The following PPIG variants were observed in gnomAD, a reference collection of about 807,000 sequenced individuals.
PPIG encodes peptidyl-prolyl cis-trans isomerase G.
Under a neutral mutation model 87.9 loss-of-function variants are expected in PPIG, and 26 were observed. The ratio of observed to expected loss-of-function variants is 0.30; its 90% CI spans 0.22 to 0.41. The LOEUF is 0.41. Ranked by LOEUF, PPIG falls within the 10% of genes least tolerant of loss-of-function variation. The pLI is 1.00. For missense variants in PPIG, 722 were observed against 879.4 expected (o/e 0.82, Z 2.26); for synonymous variants, 308 against 276.5 (o/e 1.11, Z -1.13).
At chr2:169,596,734 C>A (rs1444978943) in intron 1 of PPIG, among the ~76,000 whole-genome samples, 1 of 152,074 alleles carries the variant, frequency 6.6e-6, no homozygotes, top group Non-Finnish European at 1.5e-5. Flanking sequence ...GAGTCTTACT[C>A]TGTTGCCTGG....
rs1203237886 is a variant in PPIG, at chr2:169,641,071, G to A, written c.*3548G>A. On this transcript the variant is annotated 3_prime_UTR_variant, in exon 14 of 14. Transcript: ENST00000260970. ...TGTATATTTTCTTCCCCTTTTGTGT[G>A]TATATAGTATTTTGAAAGATAAATG... The A allele has an allele frequency of 3.3e-5, 5 of 152,080 alleles. No individual in the cohort carries two copies. The highest frequency in any genetic ancestry group is 7.2e-5 in the African/African-American group (3 of 41,412). 9.4% of individuals were successfully genotyped at this position (152,080 alleles called of 1,614,324 possible).
At chr2:169,596,705 C>A (rs956281485) in intron 1 of PPIG, among the ~76,000 whole-genome samples, 3 of 151,944 alleles carry the variant, frequency 2.0e-5, no homozygotes, top group African/African-American at 7.3e-5. Flanking sequence ...TCTCCTGGTC[C>A]ATTTTTTTTT....
At chr2:169,596,857 A>G (rs1412006827) in intron 1 of PPIG, among the ~76,000 whole-genome samples, 3 of 152,116 alleles carry the variant, frequency 2.0e-5, no homozygotes, top group Non-Finnish European at 4.4e-5. Context: ...ATGCGCCATT[A>G]CGCTCAGCTC....
chr2:169,611,148 C>G (rs1299876524), intron 7 of PPIG, among the ~76,000 whole-genome samples: 1 of 152,114 alleles, frequency 6.6e-6, no homozygotes, highest in Admixed American at 6.5e-5. Flanking sequence ...CAGGGTCGTG[C>G]CACTACACTC....
At chr2:169,585,844 G>A (rs1402073378) in intron 1 of PPIG, among the ~76,000 whole-genome samples, 2 of 152,136 alleles carry the variant, frequency 1.3e-5, no homozygotes, top group African/African-American at 4.8e-5. Flanking sequence ...AAAAAAGAGT[G>A]AGTGTGTGTG....
chr2:169,618,466 G>A (rs1233554257), intron 9 of PPIG, among the ~76,000 whole-genome samples: 1 of 152,146 alleles, frequency 6.6e-6, no homozygotes, highest in Non-Finnish European at 1.5e-5. Context: ...GAATTTAGCT[G>A]TGAATCCATC....
chr2:169,606,976 T>C (rs1262749390), intron 5 of PPIG, 128 bp from the exon 6 acceptor site: 4 of 672,412 alleles, frequency 5.9e-6, no homozygotes, highest in Non-Finnish European at 1.0e-5. Context: ...TCTTTTATGA[T>C]TTGCTGCAAT....
intron 1 of PPIG, among the ~76,000 whole-genome samples, chr2:169,592,023 C>T (rs1684878852): frequency 7.4e-6 from 1 of 134,714 alleles, no homozygotes; most frequent in South Asian, 2.5e-4. Flanking sequence ...ACTTCCTGGG[C>T]TCAAATGATC....
rs775671429 is a variant in PPIG, at chr2:169,630,959, A to G, written c.733A>G (p.Lys245Glu). The change falls in exon 10 of 14, where the codon AAG becomes GAG. Residue 245 changes from lysine to glutamate, a missense_variant. Transcript: ENST00000260970. ...AAATTCCCGAAAACACAAGAAAGAA[A>G]AGAAAAAGCGAAAGAAAAGCAAGAA... ...RKNSRKHKKE[K>E]KKRKKSKKSA... The G allele has an allele frequency of 6.3e-7, 1 of 1,595,752 alleles. No homozygotes were observed. The highest frequency in any genetic ancestry group is 1.2e-5 in the South Asian group (1 of 86,166).
intron 7 of PPIG, among the ~76,000 whole-genome samples, chr2:169,613,827 G>A (rs1466463400): frequency 6.6e-6 from 1 of 152,212 alleles, no homozygotes; most frequent in African/African-American, 2.4e-5. Context: ...TTGGGATGCT[G>A]AGGCAGGAGG....
intron 9 of PPIG, among the ~76,000 whole-genome samples, chr2:169,618,269 G>C (rs1474712720): frequency 1.3e-5 from 2 of 152,128 alleles, no homozygotes; most frequent in African/African-American, 2.4e-5. Flanking sequence ...ATTTTATTGA[G>C]GATTTTCCCA....
chr2:169,600,645 T>C (rs1685154161), intron 1 of PPIG, among the ~76,000 whole-genome samples: 1 of 151,874 alleles, frequency 6.6e-6, no homozygotes, highest in South Asian at 2.1e-4. Flanking sequence ...GTGAGACACT[T>C]TAAAAATGTC....
intron 7 of PPIG, among the ~76,000 whole-genome samples, chr2:169,609,945 G>T (rs181857705): frequency 1.6e-4 from 24 of 152,262 alleles, no homozygotes; most frequent in African/African-American, 5.5e-4. Context: ...CTGTCTTTGT[G>T]AATTCACCTT....
chr2:169,612,664 G>A (rs111382834), intron 7 of PPIG, among the ~76,000 whole-genome samples: 15,363 of 152,124 alleles, frequency 0.1, 964 homozygotes, highest in Middle Eastern at 0.19. Context: ...TTACAGACGT[G>A]AGCCACTGCA....
Position 169,638,980 on chromosome 2 carries a change from A to G in PPIG, c.*1457A>G, listed in dbSNP as rs1686252446. On this transcript the variant is annotated 3_prime_UTR_variant, in exon 14 of 14. Transcript: ENST00000260970. ...TGTTACCAAGGTAGCTTCTTGGTAAATCCAGTAGCTACTCAATGCTATTTG... is the reference window on the plus strand; with the variant it reads ...TGTTACCAAGGTAGCTTCTTGGTAAGTCCAGTAGCTACTCAATGCTATTTG... 6.6e-6 allele frequency: 1 copy of G among 151,996 alleles called. No homozygotes were observed. Among genetic ancestry groups the G allele is most frequent in the Admixed American group, 6.6e-5 (1 of 15,240 alleles). 9.4% of individuals were successfully genotyped at this position (151,996 alleles called of 1,614,324 possible). A position where few individuals can be genotyped will look rare whatever the true frequency, so the allele number is the denominator to read the frequency against.
rs187366040 is a variant in PPIG, at chr2:169,623,501, G to A, written c.548-7273G>A. ...TACACAGAAACACAAGAACAGAGTT[G>A]TGGCAACATGGCGGTAAGTAGTTGT... On this transcript the variant is annotated intron_variant, in intron 9 of 13. Transcript: ENST00000260970. Among the ~76,000 whole-genome samples the A allele has an allele frequency of 8.8e-4, 134 of 152,322 alleles. 2 individuals carry two copies. The highest frequency in any genetic ancestry group is 3.0e-3 in the African/African-American group (126 of 41,582).
At chr2:169,591,176 C>T (rs966188704) in intron 1 of PPIG, among the ~76,000 whole-genome samples, 1 of 152,040 alleles carries the variant, frequency 6.6e-6, no homozygotes, top group Admixed American at 6.6e-5. Flanking sequence ...AATTAGTTGC[C>T]TATATTTTTG....
chr2:169,628,725 A>G (rs912067978), intron 9 of PPIG, among the ~76,000 whole-genome samples: 3 of 152,086 alleles, frequency 2.0e-5, no homozygotes, highest in Non-Finnish European at 4.4e-5. Context: ...AGATCCCTTG[A>G]GCCCAGGAGT....
At chr2:169,631,638 C>T in intron 10 of PPIG, 128 bp from the exon 11 acceptor site, 1 of 1,476,286 alleles carries the variant, frequency 6.8e-7, no homozygotes. Context: ...CCCATGCGAT[C>T]ACATCTTTGG....
Sources: allele counts gnomAD v4.1 joint callset (sites outside exome capture counted in the v4.1 genomes callset), GRCh38; gene constraint gnomAD v4.1.1; transcripts MANE v1.5; gene names NCBI Gene and HGNC (gene_info 2026-07-23, HGNC 2026-07-21).